The following PCNT variants were observed in gnomAD, a reference collection of about 807,000 sequenced individuals.
The protein encoded by PCNT is pericentrin, also known as kendrin.
A neutral mutation model predicts 380.4 loss-of-function variants in PCNT; 319 were observed. That is an observed-to-expected ratio of 0.84 (90% CI 0.77 to 0.92). The LOEUF is 0.92. Among genes scored for constraint, PCNT ranks in the 40% least tolerant of loss-of-function variants. PCNT has a pLI of 0.00. For synonymous variants in PCNT, 1,845 were observed against 1,735.2 expected (o/e 1.06, Z -1.57); for missense variants, 4,400 against 4,255.3 (o/e 1.03, Z -0.95).
chr21:46,411,898 G>A lies in PCNT; in HGVS notation c.5825G>A (p.Arg1942Lys). 1.9e-6 allele frequency: 3 copies of A among 1,581,396 alleles called. No individual in the cohort carries two copies. The highest frequency in any genetic ancestry group is 2.6e-6 in the Non-Finnish European group (3 of 1,171,598). Residue 1942 changes from arginine to lysine, a missense_variant, in exon 28 of 47, where the codon AGG (arginine) becomes AAG (lysine). By Grantham distance (26) the Arg-to-Lys change is conservative. Transcript: ENST00000359568. Reference protein sequence around the residue: ...QLQVLHQRFLRCQVELDRRQA... With the variant: ...QLQVLHQRFLKCQVELDRRQA... ...CAGGTGCTGCACCAGCGGTTCCTGA[G>A]GTGCCAGGTGGAGCTGGACAGGCGG...
chr21:46,359,491 G>GTTTTTTTTTTTTTGT (rs1485278658), intron 13 of PCNT, among the ~76,000 whole-genome samples: 4 of 66,074 alleles, frequency 6.1e-5, no homozygotes, highest in Non-Finnish European at 9.5e-5. Context: ...TTTTTTTTTT[G>GTTTTTTTTTTTTTGT]TTTTTTTTTT....
chr21:46,444,046 C>G, intron 45 of PCNT, 98 bp downstream of exon 45: 1 of 1,305,328 alleles, frequency 7.7e-7, no homozygotes, highest in Non-Finnish European at 1.0e-6. Flanking sequence ...GGCTTTGGCC[C>G]AGCCCAGGGC....
Position 46,388,671 on chromosome 21 carries a change from T to G in PCNT, c.3465-71T>G. ...GGTGTGCAAACTGGTGGGCGGCCCC[T>G]CAGCAGCATCCAGGGTGGGGGTTCT... On this transcript the variant is annotated intron_variant, in intron 17 of 46. Transcript: ENST00000359568. This position sits in a 1 kb window ranked among gnomAD's most constrained non-coding sequence, Gnocchi z 4.2. The G allele has an allele frequency of 6.3e-7, 1 of 1,595,460 alleles. No homozygotes were observed. The highest frequency in any genetic ancestry group is 1.3e-5 in the African/African-American group (1 of 74,834).
chr21:46,354,719 G>A (rs930174364), intron 11 of PCNT, among the ~76,000 whole-genome samples: 1 of 152,182 alleles, frequency 6.6e-6, no homozygotes, highest in African/African-American at 2.4e-5. Flanking sequence ...TGGGCTCAGC[G>A]GCCAGGAGCC....
rs1290260753 is a variant in PCNT at position 46,431,711 on chromosome 21, T to G, written c.8247T>G (p.Ala2749=). The part of the protein sequence containing the change: ...QLSELQKDLA[A]EKSRTLELSE... ...CTGAGCTCCAGAAGGACCTTGCGGCTGAGAAGAGCCGCACCCTGGAGCTGT... is the reference window on the plus strand; with the variant it reads ...CTGAGCTCCAGAAGGACCTTGCGGCGGAGAAGAGCCGCACCCTGGAGCTGT... Residue 2749 remains alanine, a synonymous_variant, in exon 38 of 47, where the codon GCT becomes GCG. Coordinates refer to ENST00000359568, the MANE Select transcript of PCNT (RefSeq NM_006031.6). The G allele has an allele frequency of 1.2e-6, 2 of 1,612,218 alleles. No individual in the cohort carries two copies. The highest frequency in any genetic ancestry group is 2.2e-5 in the South Asian group (2 of 91,064).
chr21:46,393,207 GGA>G (rs903160301), intron 21 of PCNT, among the ~76,000 whole-genome samples: 2 of 152,170 alleles, frequency 1.3e-5, no homozygotes, highest in African/African-American at 4.8e-5. Flanking sequence ...AGGAGGGCCT[GGA>G]GTCTCTTCAG....
chr21:46,438,529 C>G (rs1045892266), intron 41 of PCNT, among the ~76,000 whole-genome samples, 192 bp downstream of exon 41: 1 of 152,198 alleles, frequency 6.6e-6, no homozygotes. Flanking sequence ...ACATCTCAGC[C>G]GACTTCCAGC....
chr21:46,389,306 C>G lies in PCNT; in HGVS notation c.3715C>G (p.Arg1239Gly). Reference sequence around the variant, plus strand: ...CGTGGCTGAAATTAGCAGCCACATGCGTGAAAGCTTTCTCATGAGCCCAGA... The same window carrying G: ...CGTGGCTGAAATTAGCAGCCACATGGGTGAAAGCTTTCTCATGAGCCCAGA... Reference protein sequence around the residue: ...SSVAEISSHMRESFLMSPESV... With the variant: ...SSVAEISSHMGESFLMSPESV... The change falls in exon 19 of 47, where the codon CGT becomes GGT. Residue 1239 changes from arginine to glycine, a missense_variant. By Grantham distance (125) the Arg-to-Gly change is moderately radical (BLOSUM62 -2). Transcript: ENST00000359568. 1 of 1,613,774 alleles carries G rather than the reference C, an allele frequency of 6.2e-7. No homozygotes were observed. Among genetic ancestry groups the G allele is most frequent in the Non-Finnish European group, 8.5e-7 (1 of 1,179,728 alleles).
At chr21:46,331,273 C>T (rs1051590920) in intron 2 of PCNT, among the ~76,000 whole-genome samples, 2 of 152,082 alleles carry the variant, frequency 1.3e-5, no homozygotes, top group Admixed American at 6.6e-5. Flanking sequence ...CCTCCCACCT[C>T]GGCCTCCCAA....
intron 15 of PCNT, among the ~76,000 whole-genome samples, chr21:46,378,329 T>C (rs2085397973): frequency 6.6e-6 from 1 of 152,214 alleles, no homozygotes; most frequent in Admixed American, 6.5e-5. Context: ...CATCAACTTT[T>C]AACTGAAAGG....
At chr21:46,437,283 C>T (rs1173453275) in intron 40 of PCNT, among the ~76,000 whole-genome samples, 1 of 151,620 alleles carries the variant, frequency 6.6e-6, no homozygotes, top group African/African-American at 2.4e-5. Context: ...TGTCCTGGGG[C>T]ACTTGTGTGG....
intron 29 of PCNT, 78 bp from the exon 30 acceptor site, chr21:46,415,990 TC>T (rs1340313517): frequency 1.4e-6 from 2 of 1,422,218 alleles, no homozygotes; most frequent in African/African-American, 2.8e-5. Flanking sequence ...CTCCCTGAAA[TC>T]CACTCATTAA....
Position 46,383,979 on chromosome 21 carries a change from C to T in PCNT, c.3313-1853C>T, listed in dbSNP as rs987446658. Among the ~76,000 whole-genome samples, 4 of 145,334 alleles carry T rather than the reference C, an allele frequency of 2.8e-5. 1 individual carries two copies. The highest frequency in any genetic ancestry group is 7.6e-5 in the African/African-American group (3 of 39,582). ...GTATATTCAGTGGCGGAAGCGCATT[C>T]ACCATGTTGTATATTCAGTGGCGGA... On this transcript the variant is annotated intron_variant, in intron 16 of 46. Coordinates refer to ENST00000359568, the MANE Select transcript of PCNT (RefSeq NM_006031.6).
Position 46,411,135 on chromosome 21 carries a change from G to A in PCNT, c.5116-54G>A. 1.9e-6 allele frequency: 3 copies of A among 1,547,540 alleles called. No homozygotes were observed. The South Asian group carries it at 3.4e-5, about 17-fold the overall frequency. ...AGGATGTAACGTGCCCTGAAGTAGGGACATTCGGAAGTGGATACATTTAAT... is the reference window on the plus strand; with the variant it reads ...AGGATGTAACGTGCCCTGAAGTAGGAACATTCGGAAGTGGATACATTTAAT... On this transcript the variant is annotated intron_variant, in intron 27 of 46. Coordinates refer to ENST00000359568, the MANE Select transcript of PCNT (RefSeq NM_006031.6).
intron 15 of PCNT, among the ~76,000 whole-genome samples, chr21:46,370,530 T>C (rs1348645087): frequency 6.6e-6 from 1 of 151,986 alleles, no homozygotes; most frequent in Non-Finnish European, 1.5e-5. Flanking sequence ...AAGCCACGCT[T>C]AGCTGGAGGG....
chr21:46,342,095 C>T (rs956889834), intron 3 of PCNT, among the ~76,000 whole-genome samples: 2 of 152,022 alleles, frequency 1.3e-5, no homozygotes, highest in Non-Finnish European at 2.9e-5. Context: ...GCATGCACCG[C>T]CATGCCTGAC....
Position 46,412,847 on chromosome 21 carries a change from A to G in PCNT, c.6005A>G (p.Gln2002Arg), listed in dbSNP as rs1662389624. ...GTCTCCTCTGTCAAGGGTGATCTGC[A>G]GCCTGTCCTGGTGACGTTGAAGGAT... is the stretch of plus-strand genomic sequence containing the variant. Reference protein sequence around the residue: ...PVVPDPQGDLQPVLVTLKDAP... With the variant: ...PVVPDPQGDLRPVLVTLKDAP... The change falls in exon 29 of 47, where the codon CAG (glutamine) becomes CGG (arginine). Residue 2002 changes from glutamine (Q) to arginine (R), a missense_variant. Gln to Arg is a conservative substitution (Grantham distance 43). Transcript: ENST00000359568. 6.2e-7 allele frequency: 1 copy of G among 1,611,856 alleles called. No homozygotes were observed. The highest frequency in any genetic ancestry group is 8.5e-7 in the Non-Finnish European group (1 of 1,180,040).
intron 35 of PCNT, 120 bp from the exon 36 acceptor site, chr21:46,429,890 C>A: frequency 1.3e-6 from 1 of 751,008 alleles, no homozygotes; most frequent in Non-Finnish European, 2.3e-6. Flanking sequence ...GTCCACAGAA[C>A]CTCCTTTCTT....
At chr21:46,439,226 C>T (rs2053543374) in intron 41 of PCNT, among the ~76,000 whole-genome samples, 1 of 152,210 alleles carries the variant, frequency 6.6e-6, no homozygotes, top group South Asian at 2.1e-4. Flanking sequence ...GCGATGGCCC[C>T]CCCAAAAAGA....
Sources: gnomAD v4.1 joint callset for allele counts (sites outside exome capture counted in the v4.1 genomes callset) on GRCh38, gnomAD v4.1.1 for gene constraint, Gnocchi (gnomAD v3.1) non-coding constraint, MANE v1.5 for transcripts, NCBI Gene and HGNC (gene_info 2026-07-23, HGNC 2026-07-21) for gene names.